SOX5: variants seen among roughly 807,000 people sequenced by gnomAD.
The protein encoded by SOX5 is SRY-box transcription factor 5, also known as transcription factor SOX-5.
Under a neutral mutation model 92.0 loss-of-function variants are expected in SOX5, and 9 were observed. The observed-to-expected ratio is 0.10, with a 90% CI of 0.06 to 0.17. The LOEUF is 0.17. SOX5 is among the 10% of genes least tolerant of loss of function. SOX5 has a pLI of 1.00. For synonymous variants in SOX5, 344 were observed against 336.3 expected, an observed-to-expected ratio of 1.02 and a Z score of -0.25; for missense variants, 642 against 944.5, an observed-to-expected ratio of 0.68 and a Z score of 4.20.
At chr12:23,589,358 G>C (rs143824913) in intron 9 of SOX5, among the ~76,000 whole-genome samples, 1 of 152,010 alleles carries the variant, frequency 6.6e-6, no homozygotes, top group Non-Finnish European at 1.5e-5. Context: ...CTCTTCAGCA[G>C]CTTATGTAAG....
At chr12:23,908,483 G>T (rs1204189138) in intron 1 of SOX5, among the ~76,000 whole-genome samples, 2 of 151,852 alleles carry the variant, frequency 1.3e-5, no homozygotes, top group African/African-American at 4.8e-5. Flanking sequence ...GCCCCATACA[G>T]ACTTGGTTAC....
chr12:23,820,404 C>T (rs2142726704), intron 3 of SOX5, among the ~76,000 whole-genome samples: 1 of 152,274 alleles, frequency 6.6e-6, no homozygotes, highest in African/African-American at 2.4e-5. Context: ...GTTTCCTTTG[C>T]TGTGCAGCAG....
chr12:23,897,824 C>T (rs2097192499), intron 1 of SOX5, among the ~76,000 whole-genome samples: 5 of 152,130 alleles, frequency 3.3e-5, no homozygotes, highest in South Asian at 4.2e-4. Flanking sequence ...AAGAAACAGA[C>T]AAAGAGGAGG....
Position 24,404,790 on chromosome 12 carries a change from A to G in SOX5, c.-250-36151T>C, listed in dbSNP as rs74070054. 8.2e-3 allele frequency among the ~76,000 whole-genome samples: 1,254 copies of G among 152,138 alleles called. 17 individuals carry two copies. Among genetic ancestry groups the G allele is most frequent in the African/African-American group, 0.029 (1,187 of 41,490 alleles). ...TGGGTTGCATTGCCCCTTCCCCCCA[A>G]ATTCATATGTTGAAGCCCTAACCCC... On this transcript the variant is annotated intron_variant, in intron 1 of 4. Transcript: ENST00000446891.
At chr12:23,675,321 T>C (rs2085489519) in intron 6 of SOX5, among the ~76,000 whole-genome samples, 2 of 152,214 alleles carry the variant, frequency 1.3e-5, no homozygotes, top group Admixed American at 6.5e-5. Context: ...CCTTTTATTC[T>C]TCTATCCGTC....
At chr12:23,543,410 G>A in intron 12 of SOX5, 26 bp from the exon 13 acceptor site, 3 of 1,595,734 alleles carry the variant, frequency 1.9e-6, no homozygotes, top group South Asian at 1.1e-5. Flanking sequence ...ATCACTTCGT[G>A]TTAGCGTTAA....
At chr12:23,557,837 G>T (rs554735425) in intron 11 of SOX5, among the ~76,000 whole-genome samples, 1 of 152,108 alleles carries the variant, frequency 6.6e-6, no homozygotes, top group Non-Finnish European at 1.5e-5. Context: ...TTAGCCAGGC[G>T]TTGTGGCACA....
chr12:24,415,452 CT>C (rs1373213144), intron 1 of SOX5, among the ~76,000 whole-genome samples: 2 of 152,028 alleles, frequency 1.3e-5, no homozygotes, highest in Non-Finnish European at 2.9e-5. Flanking sequence ...GCCATTATTC[CT>C]GATTAGAAGC....
At chr12:23,726,110 T>A (rs2093098674) in intron 6 of SOX5, among the ~76,000 whole-genome samples, 1 of 132,676 alleles carries the variant, frequency 7.5e-6, no homozygotes, top group Non-Finnish European at 1.6e-5. Context: ...GTTAAATACA[T>A]ACATCCCCGA....
intron 6 of SOX5, among the ~76,000 whole-genome samples, chr12:23,706,910 T>C (rs1399948782): frequency 6.6e-6 from 1 of 152,090 alleles, no homozygotes; most frequent in East Asian, 1.9e-4. Flanking sequence ...TATACCTATA[T>C]CTATCTATAT....
intron 7 of SOX5, among the ~76,000 whole-genome samples, chr12:23,660,262 T>A (rs2082860398): frequency 6.6e-6 from 1 of 152,218 alleles, no homozygotes; most frequent in Non-Finnish European, 1.5e-5. Flanking sequence ...CTTTATCACT[T>A]GTAAATAACA....
At position 23,703,567 on chromosome 12, in the gene SOX5, G is replaced by A. The variant is rs568695563; in HGVS notation, c.810+31117C>T. Among the ~76,000 whole-genome samples, 4 of 151,990 alleles carry A rather than the reference G, an allele frequency of 2.6e-5. No individual in the cohort carries two copies. The East Asian group carries it at 7.7e-4, about 29-fold the overall frequency. On this transcript the variant is annotated intron_variant, in intron 6 of 14. Transcript: ENST00000451604. Reference sequence around the variant, plus strand: ...AATAAGGTAAAATTGTTTCCCATCTGACATCCCAGACACTAAGAAGTCAAC... The same window carrying A: ...AATAAGGTAAAATTGTTTCCCATCTAACATCCCAGACACTAAGAAGTCAAC...
At chr12:23,759,838 T>C (rs563542659) in intron 3 of SOX5, among the ~76,000 whole-genome samples, 1 of 152,230 alleles carries the variant, frequency 6.6e-6, no homozygotes, top group East Asian at 1.9e-4. Flanking sequence ...TAAAATAAGA[T>C]TTTAAAAATG....
chr12:23,662,158 CATAT>C (rs890532528), intron 7 of SOX5, among the ~76,000 whole-genome samples: 8 of 145,298 alleles, frequency 5.5e-5, no homozygotes, highest in Admixed American at 2.7e-4. Flanking sequence ...CACACATATA[CATAT>C]ATATATATAG....
At chr12:24,329,532 A>G (rs1951065517) in intron 2 of SOX5, among the ~76,000 whole-genome samples, 2 of 152,180 alleles carry the variant, frequency 1.3e-5, no homozygotes. Flanking sequence ...TCGGGTGGGG[A>G]CACAAAGCCT....
chr12:23,918,305 T>A (rs551867433), intron 1 of SOX5, among the ~76,000 whole-genome samples: 1 of 152,232 alleles, frequency 6.6e-6, no homozygotes, highest in South Asian at 2.1e-4. Flanking sequence ...ACATGGTTCC[T>A]AGAGAGTTCT....
chr12:23,858,435 GA>G (rs2096719150), intron 2 of SOX5, among the ~76,000 whole-genome samples: 1 of 151,974 alleles, frequency 6.6e-6, no homozygotes, highest in Non-Finnish European at 1.5e-5. Context: ...ACAAGCATAT[GA>G]AAAAAAGCTC....
At chr12:24,047,469 A>G (rs1433201127) in intron 4 of SOX5, among the ~76,000 whole-genome samples, 1 of 152,214 alleles carries the variant, frequency 6.6e-6, no homozygotes, top group African/African-American at 2.4e-5. Flanking sequence ...TGATCTTTCA[A>G]CACTCATTCT....
At chr12:23,892,808 A>G (rs373879692) in intron 2 of SOX5, among the ~76,000 whole-genome samples, 3 of 152,328 alleles carry the variant, frequency 2.0e-5, no homozygotes, top group East Asian at 3.9e-4. Flanking sequence ...TTTTTGGGTT[A>G]CAGATCTACT....
Sources: allele counts gnomAD v4.1 joint callset (sites outside exome capture counted in the v4.1 genomes callset), GRCh38; gene constraint gnomAD v4.1.1; transcripts MANE v1.5; gene names NCBI Gene and HGNC (gene_info 2026-07-23, HGNC 2026-07-21).